Variants in PRDM1 observed in about 807,000 individuals in gnomAD.
PRDM1 encodes the protein PR/SET domain 1.
PRDM1 carries 13 observed loss-of-function variants against 62.8 expected under a neutral mutation model. That is an observed-to-expected ratio of 0.21 (90% CI 0.13 to 0.33). PRDM1 has a LOEUF of 0.33. Ranked by LOEUF, PRDM1 falls within the 10% of genes least tolerant of loss-of-function variation. PRDM1 has a pLI of 1.00. For missense variants in PRDM1, 895 were observed against 1,058.8 expected (o/e 0.85, Z 2.15); for synonymous variants, 396 against 417.6 (o/e 0.95, Z 0.63).
chr6:106,028,759 A>T (rs1341101169), intron 1 of PRDM1, among the ~76,000 whole-genome samples: 2 of 151,904 alleles, frequency 1.3e-5, no homozygotes, highest in African/African-American at 4.8e-5. Flanking sequence ...CCACCCCCGA[A>T]GTTTTCCTGT....
At chr6:106,073,034 A>G (rs1400595140) in intron 1 of PRDM1, among the ~76,000 whole-genome samples, 1 of 152,106 alleles carries the variant, frequency 6.6e-6, no homozygotes, top group Non-Finnish European at 1.5e-5. Flanking sequence ...AATCCTGGTG[A>G]CAAATAAATT....
Position 106,107,024 on chromosome 6 carries a change from G to A in PRDM1, c.2016G>A (p.Val672=), listed in dbSNP as rs2114662354. 1 of 1,614,156 alleles carries A rather than the reference G, an allele frequency of 6.2e-7. No individual in the cohort carries two copies. Among genetic ancestry groups the A allele is most frequent in the Non-Finnish European group, 8.5e-7 (1 of 1,180,038 alleles). The part of the protein sequence containing the change: ...KVCPAKFTQF[V]HLKLHKRLHT... ...GCCCTGCCAAGTTCACCCAGTTTGT[G>A]CACCTGAAACTGCACAAGCGTCTGC... Residue 672 remains valine (V), a synonymous_variant, in exon 7 of 7, where the codon GTG becomes GTA. Transcript: ENST00000369096.
At chr6:106,016,674 AGTCTCGCTCT>A (rs1772625260) in intron 1 of PRDM1, among the ~76,000 whole-genome samples, 1 of 149,496 alleles carries the variant, frequency 6.7e-6, no homozygotes, top group Admixed American at 6.6e-5. Flanking sequence ...TTTGAGACAA[AGTCTCGCTCT>A]GTCACCCAGG....
chr6:106,088,153 A>AG (rs1395729503), intron 1 of PRDM1, 48 bp from the exon 2 acceptor site: 1 of 1,544,022 alleles, frequency 6.5e-7, no homozygotes, highest in Non-Finnish European at 8.7e-7. Context: ...AAGGAGCCAC[A>AG]GGAACGGCGG....
intron 1 of PRDM1, among the ~76,000 whole-genome samples, chr6:106,060,083 G>A (rs1773323524): frequency 1.3e-5 from 2 of 152,154 alleles, no homozygotes; most frequent in Admixed American, 6.6e-5. Flanking sequence ...TGAAAATCAG[G>A]AGTTGTCAGC....
At chr6:106,056,362 T>C (rs1463021555) in intron 1 of PRDM1, among the ~76,000 whole-genome samples, 1 of 152,206 alleles carries the variant, frequency 6.6e-6, no homozygotes, top group Non-Finnish European at 1.5e-5. Context: ...TGATTTGAAT[T>C]GAATGAATTG....
intron 1 of PRDM1, among the ~76,000 whole-genome samples, chr6:106,070,970 A>G (rs1773505661): frequency 6.6e-6 from 1 of 152,194 alleles, no homozygotes; most frequent in South Asian, 2.1e-4. Flanking sequence ...AACCATCTAC[A>G]TTAAGAATGC....
In PRDM1 at chr6:106,106,571, A is replaced by G. The variant is rs912519792; in HGVS notation, c.1902+72A>G. On this transcript the variant is annotated intron_variant, in intron 6 of 6. Coordinates refer to ENST00000369096, the MANE Select transcript of PRDM1 (RefSeq NM_001198.4). The surrounding 1 kb of genome is among the most constrained non-coding windows in gnomAD (Gnocchi z 4.4). ...TCTGTGAGTCACCCTCCCATGTCCTATATAGCCCGTAGTTAAAGCCAACAC... is the reference window on the plus strand; with the variant it reads ...TCTGTGAGTCACCCTCCCATGTCCTGTATAGCCCGTAGTTAAAGCCAACAC... 1.4e-5 allele frequency: 23 copies of G among 1,586,398 alleles called. No homozygotes were observed. In the African/African-American group the frequency reaches 2.8e-4, roughly 19 times the overall value.
chr6:106,013,699 C>T (rs1431177131), intron 1 of PRDM1, among the ~76,000 whole-genome samples: 1 of 152,126 alleles, frequency 6.6e-6, no homozygotes, highest in Non-Finnish European at 1.5e-5. Flanking sequence ...ATAGTGCTGC[C>T]AAGAGTTCCT....
intron 1 of PRDM1, among the ~76,000 whole-genome samples, chr6:106,029,602 GT>G (rs1466177671): frequency 2.6e-5 from 4 of 151,700 alleles, no homozygotes; most frequent in Non-Finnish European, 5.9e-5. Context: ...CAACTTTTTG[GT>G]TTTTTTCTTT....
At position 106,070,702 on chromosome 6, in the gene PRDM1, T is replaced by C. The variant is rs75611703; in HGVS notation, c.-66-17499T>C. Among the ~76,000 whole-genome samples, 303 of 152,342 alleles carry C rather than the reference T, an allele frequency of 2.0e-3. 2 individuals carry two copies. Among genetic ancestry groups the C allele is most frequent in the African/African-American group, 6.7e-3 (280 of 41,574 alleles). On this transcript the variant is annotated intron_variant, in intron 1 of 6. Transcript: ENST00000651185. ...AGACATTTAAATTTAACCTAAAATT[T>C]CAAGACTTTCCATCTCTTTATATTT...
At chr6:106,056,060 G>C (rs1346218619) in intron 1 of PRDM1, among the ~76,000 whole-genome samples, 6 of 152,146 alleles carry the variant, frequency 3.9e-5, no homozygotes, top group Admixed American at 3.3e-4. Context: ...TAGGAACTGA[G>C]ATATTTAAAA....
intron 1 of PRDM1, among the ~76,000 whole-genome samples, chr6:106,070,634 T>C (rs1773495393): frequency 6.6e-6 from 1 of 152,256 alleles, no homozygotes; most frequent in African/African-American, 2.4e-5. Flanking sequence ...GTAAATTTCT[T>C]TTCAGAAAAG....
chr6:106,063,818 T>C (rs540075483), intron 1 of PRDM1, among the ~76,000 whole-genome samples: 10 of 152,322 alleles, frequency 6.6e-5, no homozygotes, highest in Admixed American at 3.9e-4. Context: ...GCGAGTCTTA[T>C]TTAAAGCAAA....
intron 1 of PRDM1, among the ~76,000 whole-genome samples, chr6:106,015,878 A>C (rs556599558): frequency 6.6e-6 from 1 of 152,136 alleles, no homozygotes; most frequent in African/African-American, 2.4e-5. Context: ...CAAGTATGCT[A>C]TTCAGTAGCA....
chr6:106,021,251 T>A (rs1247469138), intron 1 of PRDM1, among the ~76,000 whole-genome samples: 1 of 152,204 alleles, frequency 6.6e-6, no homozygotes, highest in African/African-American at 2.4e-5. Flanking sequence ...GTACTTCTAG[T>A]TTCCTATGTT....
At chr6:105,995,623 C>G (rs1243555142) in intron 1 of PRDM1, among the ~76,000 whole-genome samples, 2 of 152,090 alleles carry the variant, frequency 1.3e-5, no homozygotes, top group Admixed American at 1.3e-4. Context: ...CGATTGAGAA[C>G]TTATGCTCCC....
intron 1 of PRDM1, among the ~76,000 whole-genome samples, chr6:106,016,452 G>A (rs558135110): frequency 1.4e-3 from 217 of 151,932 alleles, no homozygotes; most frequent in Non-Finnish European, 2.6e-3. Flanking sequence ...ATTCTTTCTC[G>A]CACCCTGGGT....
intron 1 of PRDM1, among the ~76,000 whole-genome samples, chr6:106,020,167 A>G (rs1772678660): frequency 6.7e-6 from 1 of 149,354 alleles, no homozygotes; most frequent in Non-Finnish European, 1.5e-5. Flanking sequence ...GGGGAAATAG[A>G]ACGAGACTCT....
Sources: allele counts gnomAD v4.1 joint callset (sites outside exome capture counted in the v4.1 genomes callset), GRCh38; gene constraint gnomAD v4.1.1; non-coding constraint Gnocchi (gnomAD v3.1); transcripts MANE v1.5; gene names NCBI Gene and HGNC (gene_info 2026-07-23, HGNC 2026-07-21).